Variants in CADM2 observed in about 807,000 individuals in gnomAD.
CADM2 encodes the protein immunoglobulin superfamily member 4D.
In CADM2, 12 loss-of-function variants were observed where a neutral mutation model predicts 49.8. The observed-to-expected ratio is 0.24, with a 90% CI of 0.15 to 0.39. CADM2 has a LOEUF of 0.39. Among genes scored for constraint, CADM2 ranks in the 10% least tolerant of loss-of-function variants. The pLI, the probability that CADM2 is intolerant of heterozygous loss-of-function variation, is 1.00. For missense variants in CADM2, 378 were observed against 492.3 expected (o/e 0.77, Z 2.20); for synonymous variants, 214 against 175.4 (o/e 1.22, Z -1.74).
intron 1 of CADM2, among the ~76,000 whole-genome samples, chr3:85,315,344 A>G (rs1435032863): frequency 1.3e-5 from 2 of 152,078 alleles, no homozygotes; most frequent in Admixed American, 1.3e-4. Flanking sequence ...ATATGTTATG[A>G]CTCTTCCTAA....
chr3:85,829,402 T>G (rs1453838128), intron 3 of CADM2, among the ~76,000 whole-genome samples: 1 of 151,994 alleles, frequency 6.6e-6, no homozygotes, highest in African/African-American at 2.4e-5. Context: ...AGCATACCTA[T>G]CACCTCAAAC....
At chr3:85,299,640 G>A (rs1214455132) in intron 1 of CADM2, among the ~76,000 whole-genome samples, 1 of 152,048 alleles carries the variant, frequency 6.6e-6, no homozygotes, top group Non-Finnish European at 1.5e-5. Flanking sequence ...CCTCCTTGCA[G>A]CCCATATTAC....
intron 1 of CADM2, among the ~76,000 whole-genome samples, chr3:85,335,048 A>G (rs2045039946): frequency 6.6e-6 from 1 of 151,506 alleles, no homozygotes; most frequent in Non-Finnish European, 1.5e-5. Flanking sequence ...TTGTGAAGAT[A>G]TACTAAAAAA....
chr3:85,522,058 G>GT (rs1395892591), intron 1 of CADM2, among the ~76,000 whole-genome samples: 6 of 151,860 alleles, frequency 4.0e-5, no homozygotes, highest in Non-Finnish European at 5.9e-5. Flanking sequence ...ATTTATTTTT[G>GT]TTTCCTTTGT....
intron 1 of CADM2, among the ~76,000 whole-genome samples, chr3:85,452,490 TTATAA>T (rs558698248): frequency 2.5e-4 from 38 of 152,252 alleles, no homozygotes; most frequent in South Asian, 6.2e-4. Flanking sequence ...TTTGTTTTTA[TTATAA>T]TATATCTATT....
intron 8 of CADM2, among the ~76,000 whole-genome samples, chr3:85,969,317 T>C (rs900627338): frequency 4.6e-5 from 7 of 151,490 alleles, no homozygotes; most frequent in Non-Finnish European, 1.0e-4. Flanking sequence ...CACCCACTTC[T>C]GTCTCTCTGG....
intron 8 of CADM2, among the ~76,000 whole-genome samples, chr3:86,060,043 T>A (rs1373765781): frequency 6.6e-6 from 1 of 152,162 alleles, no homozygotes; most frequent in Non-Finnish European, 1.5e-5. Flanking sequence ...GAAGTTGAAG[T>A]ATTTCCTTCA....
chr3:85,392,927 T>C (rs1429179249), intron 1 of CADM2, among the ~76,000 whole-genome samples: 1 of 152,086 alleles, frequency 6.6e-6, no homozygotes, highest in Non-Finnish European at 1.5e-5. Context: ...CTGTGTTGTA[T>C]ACTAAAACAC....
chr3:85,272,051 CAG>C (rs1342530681), intron 1 of CADM2, among the ~76,000 whole-genome samples: 1 of 150,616 alleles, frequency 6.6e-6, no homozygotes, highest in Non-Finnish European at 1.5e-5. Flanking sequence ...TAAAACTACT[CAG>C]AGAAAAATGC....
chr3:85,485,290 A>G (rs1373528359), intron 1 of CADM2, among the ~76,000 whole-genome samples: 1 of 151,882 alleles, frequency 6.6e-6, no homozygotes, highest in Non-Finnish European at 1.5e-5. Context: ...TTGAAGATAA[A>G]ATTGCGGTTT....
chr3:85,378,520 C>A (rs1417996427), intron 1 of CADM2, among the ~76,000 whole-genome samples: 1 of 151,964 alleles, frequency 6.6e-6, no homozygotes, highest in African/African-American at 2.4e-5. Context: ...TGCATGAGGA[C>A]AAACCAAATC....
chr3:85,039,681 T>G (rs984682475), intron 1 of CADM2, among the ~76,000 whole-genome samples: 4 of 152,218 alleles, frequency 2.6e-5, no homozygotes, highest in Admixed American at 6.5e-5. Flanking sequence ...CAAAGGCAAG[T>G]AGCAAATAAT....
intron 1 of CADM2, among the ~76,000 whole-genome samples, chr3:85,382,786 T>A (rs2033977176): frequency 6.6e-6 from 1 of 152,134 alleles, no homozygotes; most frequent in Middle Eastern, 3.2e-3. Context: ...GAAACAAATA[T>A]TTGACAATTT....
chr3:85,639,615 TTTAATTTGAATTCTAATTAAAA>T (rs2064642918), intron 1 of CADM2, among the ~76,000 whole-genome samples: 1 of 152,326 alleles, frequency 6.6e-6, no homozygotes, highest in East Asian at 1.9e-4. Context: ...TAACTTGCCT[TTTAATTTGAATTCTAATTAAAA>T]GGCACATATT....
intron 2 of CADM2, among the ~76,000 whole-genome samples, chr3:85,753,206 T>A (rs993527781): frequency 3.3e-5 from 5 of 152,078 alleles, no homozygotes; most frequent in African/African-American, 1.2e-4. Flanking sequence ...AAATATATAT[T>A]TTTTTCAAAT....
intron 1 of CADM2, among the ~76,000 whole-genome samples, chr3:85,297,080 C>T (rs1370581927): frequency 1.3e-5 from 2 of 151,998 alleles, no homozygotes; most frequent in Non-Finnish European, 2.9e-5. Context: ...TTGTATACTC[C>T]ACACTACCTT....
At chr3:85,541,730 ATT>A (rs1233497787) in intron 1 of CADM2, among the ~76,000 whole-genome samples, 11 of 113,988 alleles carry the variant, frequency 9.7e-5, no homozygotes, top group South Asian at 3.2e-4. Context: ...ATATATATAT[ATT>A]TTATATATAT....
chr3:86,031,869 C>A (rs1734597274), intron 8 of CADM2, among the ~76,000 whole-genome samples: 1 of 151,434 alleles, frequency 6.6e-6, no homozygotes, highest in South Asian at 2.1e-4. Context: ...TGAAAAGATA[C>A]CCATAATTGA....
At chr3:85,007,953 A>C (rs1293669634) in intron 1 of CADM2, among the ~76,000 whole-genome samples, 1 of 152,204 alleles carries the variant, frequency 6.6e-6, no homozygotes, top group Non-Finnish European at 1.5e-5. Context: ...AATGACATGC[A>C]GAATTTCTAG....
Sources: gnomAD v4.1 joint callset for allele counts (sites outside exome capture counted in the v4.1 genomes callset) on GRCh38, gnomAD v4.1.1 for gene constraint, MANE v1.5 for transcripts, NCBI Gene and HGNC (gene_info 2026-07-23, HGNC 2026-07-21) for gene names.